The following COP1 variants were observed in gnomAD, a reference collection of about 807,000 sequenced individuals.
COP1 encodes the protein E3 ubiquitin-protein ligase COP1.
A neutral mutation model predicts 101.3 loss-of-function variants in COP1; 24 were observed. That is an observed-to-expected ratio of 0.24 (90% CI 0.17 to 0.33). COP1 has a LOEUF of 0.33. COP1 is among the 10% of genes least tolerant of loss of function. The pLI is 1.00. For synonymous variants in COP1, 347 were observed against 341.9 expected (o/e 1.01, Z -0.17); for missense variants, 663 against 906.2 (o/e 0.73, Z 3.45).
chr1:176,193,705 A>C (rs1699348574), intron 1 of COP1, among the ~76,000 whole-genome samples: 2 of 152,190 alleles, frequency 1.3e-5, no homozygotes, highest in Non-Finnish European at 2.9e-5. Context: ...TGGGATACAA[A>C]AGACCATATA....
chr1:175,955,186 G>A (rs925223685), intron 18 of COP1, among the ~76,000 whole-genome samples: 13 of 152,124 alleles, frequency 8.5e-5, no homozygotes, highest in Non-Finnish European at 5.9e-5. Context: ...AGGCTGTAGT[G>A]AGCTGTGATT....
chr1:176,182,805 A>T (rs1288588078), intron 2 of COP1, among the ~76,000 whole-genome samples: 1 of 152,254 alleles, frequency 6.6e-6, no homozygotes, highest in African/African-American at 2.4e-5. Context: ...TTGGCAATAC[A>T]GAGCAGAAAG....
chr1:176,184,717 A>G (rs773761797), intron 1 of COP1, 25 bp from the exon 2 acceptor site: 1 of 1,552,254 alleles, frequency 6.4e-7, no homozygotes. Context: ...AAAATAATTG[A>G]TTTTTTTTTA....
chr1:176,071,952 T>G (rs752013652), intron 11 of COP1, among the ~76,000 whole-genome samples: 1 of 152,196 alleles, frequency 6.6e-6, no homozygotes, highest in African/African-American at 2.4e-5. Flanking sequence ...AAGTCGAGAT[T>G]AGAAGAAGAA....
chr1:176,009,035 G>A lies in COP1; in HGVS notation c.1729+18537C>T, dbSNP rs1296393245. On this transcript the variant is annotated intron_variant, in intron 15 of 19. Coordinates refer to ENST00000367669, the MANE Select transcript of COP1 (RefSeq NM_022457.7). ...ATGGTCAACCAGAGGTGAAGACTGG[G>A]GCTCTCTGCAGTTTTTCCTGGATAT... Among the ~76,000 whole-genome samples the A allele has an allele frequency of 1.3e-5, 2 of 152,064 alleles. 1 individual carries two copies. Among genetic ancestry groups the A allele is most frequent in the East Asian group, 3.9e-4 (2 of 5,186 alleles).
At chr1:176,152,802 T>C (rs546538662) in intron 5 of COP1, among the ~76,000 whole-genome samples, 1 of 152,242 alleles carries the variant, frequency 6.6e-6, no homozygotes, top group Non-Finnish European at 1.5e-5. Flanking sequence ...TGGGTTCAGA[T>C]TCCCTACCTA....
chr1:175,987,784 G>A (rs145738598), intron 17 of COP1, among the ~76,000 whole-genome samples: 394 of 152,204 alleles, frequency 2.6e-3, no homozygotes, highest in Non-Finnish European at 4.5e-3. Context: ...CAGAGCATTT[G>A]AATAATATCA....
intron 9 of COP1, among the ~76,000 whole-genome samples, chr1:176,114,551 T>C (rs1020697460): frequency 2.7e-5 from 4 of 150,604 alleles, no homozygotes; most frequent in African/African-American, 9.7e-5. Flanking sequence ...TGTTTTTTGT[T>C]TTACTATAAA....
chr1:176,029,842 T>A (rs993020098), intron 14 of COP1, among the ~76,000 whole-genome samples: 1 of 152,250 alleles, frequency 6.6e-6, no homozygotes, highest in Admixed American at 6.5e-5. Flanking sequence ...AATCTCCAAG[T>A]AGAAATTAAT....
At chr1:176,202,468 C>A (rs559883554) in intron 1 of COP1, among the ~76,000 whole-genome samples, 1 of 151,962 alleles carries the variant, frequency 6.6e-6, no homozygotes, top group African/African-American at 2.4e-5. Context: ...GGATTACAGG[C>A]GTGAACCAAG....
chr1:176,176,279 C>T (rs1696917743), intron 2 of COP1, among the ~76,000 whole-genome samples: 1 of 152,090 alleles, frequency 6.6e-6, no homozygotes, highest in Non-Finnish European at 1.5e-5. Flanking sequence ...TAAGTTTATG[C>T]AATTTAGATA....
In COP1 at chr1:175,998,063, T is replaced by TAAAAA. The variant is rs57110017; in HGVS notation, c.1730-8589_1730-8585dup. The stretch of plus-strand genomic sequence containing the variant: ...TGTACCCTAAAACTTAGAGTATAAT[T>TAAAAA]AAAAAAAAAAAAAAAAAAAAAAAAA... On this transcript the variant is annotated intron_variant, in intron 15 of 19. Coordinates refer to ENST00000367669, the MANE Select transcript of COP1 (RefSeq NM_022457.7). Among the ~76,000 whole-genome samples, 38 of 66,816 alleles carry TAAAAA rather than the reference T, an allele frequency of 5.7e-4. 1 individual carries two copies. Among genetic ancestry groups the TAAAAA allele is most frequent in the African/African-American group, 2.1e-3 (27 of 12,702 alleles). 43.8% of individuals were successfully genotyped at this position (66,816 alleles called of 152,430 possible). A position where few individuals can be genotyped will look rare whatever the true frequency, so the allele number is the denominator to read the frequency against.
At chr1:176,131,473 T>C (rs2149704523) in intron 8 of COP1, among the ~76,000 whole-genome samples, 1 of 151,924 alleles carries the variant, frequency 6.6e-6, no homozygotes, top group South Asian at 2.1e-4. Flanking sequence ...AGAATCTATG[T>C]AAAGGATTCA....
chr1:176,091,527 A>G (rs1681307141), intron 9 of COP1, among the ~76,000 whole-genome samples: 3 of 152,214 alleles, frequency 2.0e-5, no homozygotes, highest in Admixed American at 6.5e-5. Flanking sequence ...AGAATAAGAC[A>G]AAAAATTATC....
At chr1:175,975,500 C>T (rs555882301) in intron 18 of COP1, among the ~76,000 whole-genome samples, 1 of 152,158 alleles carries the variant, frequency 6.6e-6, no homozygotes, top group Non-Finnish European at 1.5e-5. Context: ...ATCTCTGCCT[C>T]CTGGGTTCAA....
intron 8 of COP1, among the ~76,000 whole-genome samples, chr1:176,124,742 T>TA (rs1326982359): frequency 6.6e-6 from 1 of 152,192 alleles, no homozygotes; most frequent in Admixed American, 6.6e-5. Context: ...GGAATGCAGA[T>TA]AACTCTTTCA....
intron 11 of COP1, among the ~76,000 whole-genome samples, chr1:176,056,804 T>C (rs1056882535): frequency 5.3e-5 from 8 of 152,206 alleles, no homozygotes; most frequent in Non-Finnish European, 1.0e-4. Context: ...TTTCTTTTGT[T>C]TTCTGTGTTA....
chr1:175,974,251 T>C (rs1043542878), intron 18 of COP1, among the ~76,000 whole-genome samples: 1 of 152,188 alleles, frequency 6.6e-6, no homozygotes, highest in Non-Finnish European at 1.5e-5. Context: ...CAAGATTAAG[T>C]TTGTGCTTAG....
rs139596116 is a variant in COP1, at chr1:176,120,930, A to G, written c.969-4249T>C. On this transcript the variant is annotated intron_variant, in intron 8 of 19. Coordinates refer to ENST00000367669, the MANE Select transcript of COP1 (RefSeq NM_022457.7). ...AATTTTTAATCGATGAGCAAAAATA[A>G]AGCACACTGAGATCATTTTAGGCTA... is the stretch of plus-strand genomic sequence containing the variant. Among the ~76,000 whole-genome samples the G allele has an allele frequency of 9.3e-3, 1,412 of 152,298 alleles. 23 individuals carry two copies. The highest frequency in any genetic ancestry group is 0.032 in the African/African-American group (1,342 of 41,568).
Sources: allele counts gnomAD v4.1 joint callset (sites outside exome capture counted in the v4.1 genomes callset), GRCh38; gene constraint gnomAD v4.1.1; transcripts MANE v1.5; gene names NCBI Gene and HGNC (gene_info 2026-07-23, HGNC 2026-07-21).